FHOD3: variants seen among roughly 807,000 people sequenced by gnomAD.
FHOD3 encodes the protein FH1/FH2 domain-containing protein 3.
Under a neutral mutation model 173.0 loss-of-function variants are expected in FHOD3, and 90 were observed. The ratio of observed to expected loss-of-function variants is 0.52; its 90% CI spans 0.44 to 0.62. FHOD3 has a LOEUF of 0.62. Among genes scored for constraint, FHOD3 ranks in the 20% least tolerant of loss-of-function variants. The pLI, the probability that FHOD3 is intolerant of heterozygous loss-of-function variation, is 0.00. For synonymous variants in FHOD3, 828 were observed against 823.0 expected (o/e 1.01, Z -0.10); for missense variants, 1,945 against 2,034.7 (o/e 0.96, Z 0.85).
chr18:36,576,552 G>A lies in FHOD3; in HGVS notation c.606+7G>A, dbSNP rs1378539201. 1.9e-6 allele frequency: 3 copies of A among 1,604,746 alleles called. No homozygotes were observed. Among genetic ancestry groups the A allele is most frequent in the African/African-American group, 1.3e-5 (1 of 74,600 alleles). ...CACTCTCATTGGGTCAAAGGTAAGG[G>A]GAAGTTATGGTTGACTGTTTTGTTC... is the stretch of plus-strand genomic sequence containing the variant. On this transcript the variant is annotated splice_region_variant and intron_variant, in intron 6 of 28. Transcript: ENST00000590592.
At chr18:36,546,793 C>T (rs995270903) in intron 5 of FHOD3, among the ~76,000 whole-genome samples, 3 of 152,150 alleles carry the variant, frequency 2.0e-5, no homozygotes, top group African/African-American at 4.8e-5. Flanking sequence ...GCGTAGGCAG[C>T]GTGTGGAGTT....
At chr18:36,305,711 G>C (rs1383992667) in intron 1 of FHOD3, among the ~76,000 whole-genome samples, 1 of 152,176 alleles carries the variant, frequency 6.6e-6, no homozygotes, top group African/African-American at 2.4e-5. Flanking sequence ...TGCATGGCTG[G>C]ACACTGACAG....
chr18:36,598,412 G>A (rs182757898), intron 7 of FHOD3, among the ~76,000 whole-genome samples: 18 of 152,254 alleles, frequency 1.2e-4, no homozygotes, highest in Non-Finnish European at 2.5e-4. Flanking sequence ...TGCTGCACGT[G>A]GGCTAACCAG....
intron 4 of FHOD3, among the ~76,000 whole-genome samples, chr18:36,509,933 C>T: frequency 6.6e-6 from 1 of 152,186 alleles, no homozygotes; most frequent in South Asian, 2.1e-4. Context: ...TGGAAGACCA[C>T]ACACATGTGC....
intron 3 of FHOD3, among the ~76,000 whole-genome samples, chr18:36,458,251 G>A (rs17673809): frequency 0.068 from 10,353 of 152,218 alleles, 646 homozygotes; most frequent in East Asian, 0.25. Context: ...GAAGAGGGAC[G>A]TGGGAACTTA....
At chr18:36,693,571 C>T in intron 17 of FHOD3, 148 bp downstream of exon 17, 1 of 728,884 alleles carries the variant, frequency 1.4e-6, no homozygotes, top group Non-Finnish European at 2.3e-6. Flanking sequence ...GTGACTGCAA[C>T]TGCCTGGTCA....
chr18:36,729,881 T>C (rs1032187600), intron 19 of FHOD3, among the ~76,000 whole-genome samples: 5 of 152,196 alleles, frequency 3.3e-5, no homozygotes, highest in African/African-American at 1.2e-4. Flanking sequence ...GACCTGCCTC[T>C]GAGGACCACA....
chr18:36,337,240 C>T (rs1490610399), intron 1 of FHOD3, among the ~76,000 whole-genome samples: 1 of 151,552 alleles, frequency 6.6e-6, no homozygotes, highest in Non-Finnish European at 1.5e-5. Flanking sequence ...AATGAGCTAA[C>T]TTGGAACATT....
chr18:36,454,155 C>T (rs1333859465), intron 3 of FHOD3, among the ~76,000 whole-genome samples: 1 of 152,088 alleles, frequency 6.6e-6, no homozygotes, highest in Non-Finnish European at 1.5e-5. Flanking sequence ...GGCCTTGGGA[C>T]ATTCCAGGTC....
intron 28 of FHOD3, among the ~76,000 whole-genome samples, chr18:36,776,579 A>AT (rs2043672657): frequency 2.6e-5 from 4 of 152,276 alleles, no homozygotes; most frequent in South Asian, 2.1e-4. Context: ...ATCTAAGAGA[A>AT]TTTTTTTCAA....
At chr18:36,511,248 A>C (rs2055623663) in intron 4 of FHOD3, among the ~76,000 whole-genome samples, 1 of 152,044 alleles carries the variant, frequency 6.6e-6, no homozygotes, top group African/African-American at 2.4e-5. Flanking sequence ...AATTGAGGAA[A>C]TCTCCCAATC....
chr18:36,446,969 G>A (rs1383834950), intron 3 of FHOD3, among the ~76,000 whole-genome samples: 1 of 152,166 alleles, frequency 6.6e-6, no homozygotes, highest in African/African-American at 2.4e-5. Context: ...TTGCTGGGGA[G>A]GTTGAGGGTG....
At chr18:36,710,358 G>T (rs559325337) in intron 18 of FHOD3, 1 of 152,146 alleles carries the variant, frequency 6.6e-6, no homozygotes. Context: ...CACTCGAGTC[G>T]ATGTCTTAGG....
intron 14 of FHOD3, among the ~76,000 whole-genome samples, chr18:36,665,283 T>C (rs1340796729): frequency 2.6e-5 from 4 of 152,228 alleles, no homozygotes; most frequent in Non-Finnish European, 4.4e-5. Flanking sequence ...ATATATTTCA[T>C]TCAACAAGTA....
In FHOD3 at chr18:36,730,291, A is replaced by T. The variant is rs74547686; in HGVS notation, c.3418-355A>T. Among the ~76,000 whole-genome samples the T allele has an allele frequency of 9.2e-5, 14 of 152,304 alleles. No homozygotes were observed. The East Asian group carries it at 2.7e-3, about 29-fold the overall frequency. On this transcript the variant is annotated intron_variant, in intron 19 of 28. Transcript: ENST00000590592. ...TGAAGGCCAACCAAGACATTCGGAC[A>T]CCTCAAAGCCCACAAGAAAGGAATT...
At chr18:36,312,152 T>C (rs546392787) in intron 1 of FHOD3, among the ~76,000 whole-genome samples, 3 of 152,334 alleles carry the variant, frequency 2.0e-5, no homozygotes, top group Non-Finnish European at 2.9e-5. Flanking sequence ...TCTTGACTTA[T>C]AGAATCTCAC....
At chr18:36,555,738 T>C (rs1378795797) in intron 5 of FHOD3, among the ~76,000 whole-genome samples, 2 of 152,176 alleles carry the variant, frequency 1.3e-5, no homozygotes, top group African/African-American at 4.8e-5. Flanking sequence ...AGCTTAAGGT[T>C]TACATTTGTC....
chr18:36,599,602 C>A (rs1204684994), intron 7 of FHOD3, among the ~76,000 whole-genome samples: 1 of 152,168 alleles, frequency 6.6e-6, no homozygotes, highest in Non-Finnish European at 1.5e-5. Flanking sequence ...TTAGACCAAC[C>A]CATGTCTGAG....
chr18:36,361,616 G>A (rs1000448716), intron 2 of FHOD3, among the ~76,000 whole-genome samples: 2 of 150,772 alleles, frequency 1.3e-5, no homozygotes, highest in Non-Finnish European at 2.9e-5. Context: ...AACCCAGGAG[G>A]TAGAGGTTGC....
Sources: allele counts gnomAD v4.1 joint callset (sites outside exome capture counted in the v4.1 genomes callset), GRCh38; gene constraint gnomAD v4.1.1; transcripts MANE v1.5; gene names NCBI Gene and HGNC (gene_info 2026-07-23, HGNC 2026-07-21).